CFH: variants seen among roughly 807,000 people sequenced by gnomAD.
CFH encodes the protein complement factor H.
A neutral mutation model predicts 147.3 loss-of-function variants in CFH; 53 were observed. The ratio of observed to expected loss-of-function variants is 0.36; its 90% CI spans 0.29 to 0.45. The LOEUF (loss-of-function observed/expected upper bound fraction) is 0.45. CFH is among the 20% of genes least tolerant of loss of function. The pLI is 1.00. For missense variants in CFH, 1,380 were observed against 1,498.0 expected (o/e 0.92, Z 1.30); for synonymous variants, 536 against 489.4 (o/e 1.10, Z -1.26).
chr1:196,666,657 CA>C (rs1433477204), intron 1 of CFH, among the ~76,000 whole-genome samples: 1 of 150,802 alleles, frequency 6.6e-6, no homozygotes, highest in Non-Finnish European at 1.5e-5. Context: ...AAAAAAAACC[CA>C]AAAAATAGCC....
intron 1 of CFH, among the ~76,000 whole-genome samples, chr1:196,665,618 T>C (rs1203546517): frequency 6.6e-6 from 1 of 152,082 alleles, no homozygotes; most frequent in Non-Finnish European, 1.5e-5. Context: ...TATTATTATA[T>C]TTTTTTGAGA....
chr1:196,674,701 T>C (rs1667397075), intron 3 of CFH, among the ~76,000 whole-genome samples: 1 of 152,202 alleles, frequency 6.6e-6, no homozygotes, highest in African/African-American at 2.4e-5. Flanking sequence ...CCCCATTTTT[T>C]CCTTAATTTG....
At chr1:196,722,435 A>G (rs1016352754) in intron 11 of CFH, among the ~76,000 whole-genome samples, 1 of 152,160 alleles carries the variant, frequency 6.6e-6, no homozygotes, top group Non-Finnish European at 1.5e-5. Context: ...TGGCTTGTAC[A>G]GTTTCTGCTG....
At position 196,743,646 on chromosome 1, in the gene CFH, T is replaced by G. The variant is rs1336756657; in HGVS notation, c.3310+18T>G. On this transcript the variant is annotated intron_variant, in intron 20 of 21. Transcript: ENST00000367429. ...ATGCAAAGGTAGAGTATTATATTTC[T>G]TTTAACATTTTGGGGGAGTATAGCA... The G allele has an allele frequency of 1.9e-6, 3 of 1,613,674 alleles. No individual in the cohort carries two copies. Among genetic ancestry groups the G allele is most frequent in the Non-Finnish European group, 2.5e-6 (3 of 1,179,708 alleles).
chr1:196,653,350 T>C (rs1558146740), intron 1 of CFH, among the ~76,000 whole-genome samples: 7 of 151,816 alleles, frequency 4.6e-5, no homozygotes, highest in Non-Finnish European at 1.0e-4. Context: ...AATATTATAA[T>C]TAGTATTTTA....
intron 7 of CFH, 109 bp downstream of exon 7, chr1:196,685,346 A>G: frequency 1.7e-6 from 2 of 1,153,962 alleles, no homozygotes; most frequent in East Asian, 4.9e-5. Flanking sequence ...GTATATACAA[A>G]GTAAGGCTGT....
chr1:196,740,422 C>A (rs1351359729), intron 17 of CFH, among the ~76,000 whole-genome samples, 197 bp from the exon 18 acceptor site: 1 of 152,080 alleles, frequency 6.6e-6, no homozygotes, highest in African/African-American at 2.4e-5. Flanking sequence ...GTTTCAAGTC[C>A]TTCTTCAGTT....
chr1:196,728,518 C>A lies in CFH; in HGVS notation c.2409C>A (p.Cys803Ter). The A allele has an allele frequency of 6.2e-7, 1 of 1,612,264 alleles. No homozygotes were observed. Among genetic ancestry groups the A allele is most frequent in the Non-Finnish European group, 8.5e-7 (1 of 1,178,724 alleles). Residue 803 changes from cysteine (C) to a stop codon, truncating the protein, a stop_gained, in exon 15 of 22, where the codon TGC becomes TGA. Coordinates refer to ENST00000367429, the MANE Select transcript of CFH (RefSeq NM_000186.4). LOFTEE classifies it high-confidence loss of function. ...INGRWDPEVNCSMAQIQLCPP... is the reference protein window; with the variant it reads ...INGRWDPEVN ...GAAGATGGGATCCAGAAGTGAACTG[C>A]TCAAGTAAGCTCTTATTTTGTTTTC...
chr1:196,716,081 C>A (rs1668864152), intron 11 of CFH, among the ~76,000 whole-genome samples: 1 of 152,056 alleles, frequency 6.6e-6, no homozygotes, highest in Admixed American at 6.6e-5. Context: ...TAGTTGGTTA[C>A]AACTTCCTCA....
intron 9 of CFH, among the ~76,000 whole-genome samples, chr1:196,692,950 A>T: frequency 9.0e-6 from 1 of 111,088 alleles, no homozygotes; most frequent in African/African-American, 3.7e-5. Context: ...TTTTGTCCCA[A>T]GTTTGTCTGG....
chr1:196,680,637 T>C (rs184628863), intron 6 of CFH, among the ~76,000 whole-genome samples: 272 of 151,870 alleles, frequency 1.8e-3, no homozygotes, highest in African/African-American at 6.3e-3. Flanking sequence ...CTGCAATTAG[T>C]GAAACAAGGA....
At chr1:196,675,219 C>T (rs1667414930) in intron 3 of CFH, among the ~76,000 whole-genome samples, 1 of 152,124 alleles carries the variant, frequency 6.6e-6, no homozygotes, top group African/African-American at 2.4e-5. Context: ...ACATTTTGCA[C>T]ATGTCCCAGG....
At chr1:196,660,230 T>G (rs1666854299) in intron 1 of CFH, among the ~76,000 whole-genome samples, 1 of 151,980 alleles carries the variant, frequency 6.6e-6, no homozygotes, top group Admixed American at 6.6e-5. Context: ...GTGTAAAGGA[T>G]CTAAGGAAAA....
chr1:196,691,409 T>G (rs1668019883), intron 9 of CFH, among the ~76,000 whole-genome samples: 3 of 152,088 alleles, frequency 2.0e-5, no homozygotes, highest in Admixed American at 2.0e-4. Flanking sequence ...AACAGTTACT[T>G]CTTTTTTTAC....
intron 20 of CFH, among the ~76,000 whole-genome samples, 169 bp downstream of exon 20, chr1:196,743,797 G>T (rs1652902258): frequency 1.3e-5 from 2 of 152,076 alleles, no homozygotes; most frequent in Admixed American, 6.5e-5. Context: ...AAGTAATAGG[G>T]TATATTATTT....
At position 196,673,361 on chromosome 1, in the gene CFH, G is replaced by A. The variant is rs528394954; in HGVS notation, c.244+198G>A. On this transcript the variant is annotated intron_variant, in intron 2 of 21. Transcript: ENST00000367429. ...CAGTGCAGTGGCGCAATTTTGAGAT[G>A]GAGTCTCCCTCTATCGCCTGGCTGG... is the stretch of plus-strand genomic sequence containing the variant. 1.9e-3 allele frequency: 1,119 copies of A among 581,102 alleles called. 1 individual carries two copies. Among genetic ancestry groups the A allele is most frequent in the Non-Finnish European group, 2.8e-3 (922 of 332,844 alleles). 36.0% of individuals were successfully genotyped at this position (581,102 alleles called of 1,614,324 possible).
chr1:196,669,085 A>ATT (rs1375495089), intron 1 of CFH, among the ~76,000 whole-genome samples: 3 of 152,178 alleles, frequency 2.0e-5, no homozygotes, highest in African/African-American at 7.2e-5. Flanking sequence ...CAAGGAACTT[A>ATT]TTGGGAGCTG....
intron 1 of CFH, among the ~76,000 whole-genome samples, chr1:196,659,045 G>A (rs1666814375): frequency 6.6e-6 from 1 of 152,120 alleles, no homozygotes; most frequent in South Asian, 2.1e-4. Flanking sequence ...AATCTAGAAT[G>A]AGAAAAATGA....
chr1:196,723,644 A>G (rs1182547117), intron 11 of CFH, among the ~76,000 whole-genome samples: 1 of 152,054 alleles, frequency 6.6e-6, no homozygotes, highest in Non-Finnish European at 1.5e-5. Context: ...GATCTGTGAA[A>G]GGTACAGTGG....
Sources: allele counts gnomAD v4.1 joint callset (sites outside exome capture counted in the v4.1 genomes callset), GRCh38; gene constraint gnomAD v4.1.1; transcripts MANE v1.5; gene names NCBI Gene and HGNC (gene_info 2026-07-23, HGNC 2026-07-21).